Variants in LRGUK observed in about 807,000 individuals in gnomAD.
LRGUK encodes the protein leucine rich repeats and guanylate kinase domain containing.
A neutral mutation model predicts 76.0 loss-of-function variants in LRGUK; 65 were observed. That is an observed-to-expected ratio of 0.85 (90% CI 0.70 to 1.05). The LOEUF (loss-of-function observed/expected upper bound fraction) is 1.05, where lower values mean the gene tolerates loss of function less well. LRGUK is among the 50% of genes least tolerant of loss of function. The pLI is 0.00. For synonymous variants in LRGUK, 268 were observed against 265.6 expected, an observed-to-expected ratio of 1.01 and a Z score of -0.09; for missense variants, 758 against 732.8, an observed-to-expected ratio of 1.03 and a Z score of -0.40.
chr7:134,269,220 C>T (rs183399411), downstream of LRGUK, among the ~76,000 whole-genome samples: 29 of 152,082 alleles, frequency 1.9e-4, no homozygotes, highest in East Asian at 4.1e-3. Flanking sequence ...TGTAGATCCA[C>T]GGATTATTTA....
chr7:134,127,568 C>G (rs1280588588), exon 1 of LRGUK: 1 of 1,614,208 alleles, frequency 6.2e-7, no homozygotes, highest in African/African-American at 1.3e-5. Context: ...AGCTCATGCA[C>G]CGCTATCAGG....
chr7:134,168,626 G>A lies in LRGUK; in HGVS notation c.939+5086G>A, dbSNP rs556485870. ...TCAATCAGGTAGCAGTAGTAAGGAA[G>A]GGAAGGAAGGCTGGGGTCTAGAGTT... On this transcript the variant is annotated intron_variant, in intron 7 of 15. Transcript: ENST00000645682. 1.8e-4 allele frequency among the ~76,000 whole-genome samples: 27 copies of A among 152,276 alleles called. 1 individual carries two copies. The highest frequency in any genetic ancestry group is 6.3e-4 in the African/African-American group (26 of 41,550).
chr7:134,234,457 C>T (rs1266388824), intron 16 of LRGUK, among the ~76,000 whole-genome samples: 1 of 152,118 alleles, frequency 6.6e-6, no homozygotes, highest in African/African-American at 2.4e-5. Flanking sequence ...AACCCTTCCT[C>T]CAAAGTCGTC....
intron 2 of LRGUK, among the ~76,000 whole-genome samples, chr7:134,138,440 A>AT (rs907695946): frequency 4.0e-5 from 6 of 151,138 alleles, no homozygotes; most frequent in South Asian, 4.2e-4. Context: ...GTTACATGTT[A>AT]TTTTTTTTAC....
chr7:134,162,007 A>G (rs1431787821), intron 6 of LRGUK, among the ~76,000 whole-genome samples: 2 of 152,080 alleles, frequency 1.3e-5, no homozygotes, highest in Non-Finnish European at 2.9e-5. Flanking sequence ...ATTTGTTGTT[A>G]TGGGTATATG....
chr7:134,190,854 A>C (rs1800178244), intron 11 of LRGUK, among the ~76,000 whole-genome samples: 1 of 41,106 alleles, frequency 2.4e-5, no homozygotes, highest in Non-Finnish European at 6.2e-5. Flanking sequence ...AAAGATAGGA[A>C]AAAAACAGAT....
chr7:134,252,109 G>A (rs1802461363), intron 18 of LRGUK, among the ~76,000 whole-genome samples: 1 of 151,934 alleles, frequency 6.6e-6, no homozygotes, highest in Admixed American at 6.6e-5. Flanking sequence ...CAAGGTAGAA[G>A]GATTGGATCA....
intron 17 of LRGUK, 103 bp from the exon 18 acceptor site, chr7:134,248,848 T>G (rs1391354007): frequency 1.1e-6 from 1 of 876,204 alleles, no homozygotes; most frequent in African/African-American, 1.8e-5. Flanking sequence ...TAGATCTCAT[T>G]GGCATTTGCG....
intron 1 of LRGUK, among the ~76,000 whole-genome samples, chr7:134,135,151 T>TA (rs1246769814): frequency 6.6e-6 from 1 of 152,208 alleles, no homozygotes; most frequent in African/African-American, 2.4e-5. Context: ...TTTGAGATGT[T>TA]ATGTACCATC....
At chr7:134,202,986 C>A (rs943172820) in intron 15 of LRGUK, among the ~76,000 whole-genome samples, 5 of 152,092 alleles carry the variant, frequency 3.3e-5, no homozygotes, top group Admixed American at 3.3e-4. Context: ...GGGCAGATCA[C>A]GAGGTCAGGA....
At position 134,223,363 on chromosome 7, in the gene LRGUK, G is replaced by T. The variant is rs189288268; in HGVS notation, c.1983+1445G>T. 1.7e-3 allele frequency among the ~76,000 whole-genome samples: 261 copies of T among 152,336 alleles called. 1 individual carries two copies. The highest frequency in any genetic ancestry group is 5.7e-3 in the African/African-American group (236 of 41,568). ...CTGTGGTGGTCATATTAGCCTGCCT[G>T]TGTGGTCACCTGTGGCAGGGCAGAA... is the stretch of plus-strand genomic sequence containing the variant. On this transcript the variant is annotated intron_variant, in intron 16 of 19. Transcript: ENST00000285928.
At chr7:134,165,323 A>G (rs1029844402) in intron 7 of LRGUK, among the ~76,000 whole-genome samples, 2 of 152,184 alleles carry the variant, frequency 1.3e-5, no homozygotes, top group African/African-American at 4.8e-5. Context: ...GCCCAAAGTC[A>G]TATATCCAGC....
chr7:134,166,792 C>T (rs991181418), intron 7 of LRGUK, among the ~76,000 whole-genome samples: 2 of 152,146 alleles, frequency 1.3e-5, no homozygotes, highest in African/African-American at 4.8e-5. Context: ...CCGAAGACTC[C>T]TTGCTTCTTG....
chr7:134,275,818 C>T, the LRGUK span, among the ~76,000 whole-genome samples: 2 of 152,168 alleles, frequency 1.3e-5, no homozygotes, highest in East Asian at 3.8e-4. Context: ...TATATCATCT[C>T]ATTCCAAAAA....
At chr7:134,184,378 T>C (rs1799894046) in intron 11 of LRGUK, among the ~76,000 whole-genome samples, 1 of 151,818 alleles carries the variant, frequency 6.6e-6, no homozygotes, top group African/African-American at 2.4e-5. Flanking sequence ...CATACCATTC[T>C]CCTGCCTCAG....
chr7:134,221,710 A>T, intron 15 of LRGUK, 69 bp from the exon 16 acceptor site: 2 of 1,261,596 alleles, frequency 1.6e-6, no homozygotes, highest in Non-Finnish European at 1.0e-6. Context: ...AAAAATATAA[A>T]ACATTTCTAT....
chr7:134,203,580 T>C (rs1323800679), intron 15 of LRGUK, among the ~76,000 whole-genome samples: 2 of 152,198 alleles, frequency 1.3e-5, no homozygotes, highest in African/African-American at 2.4e-5. Flanking sequence ...AGAATTTCCT[T>C]CTCCATATGT....
At chr7:134,247,335 T>A (rs1802327950) in intron 16 of LRGUK, among the ~76,000 whole-genome samples, 1 of 152,312 alleles carries the variant, frequency 6.6e-6, no homozygotes, top group Admixed American at 6.5e-5. Flanking sequence ...AAATAGAGTT[T>A]ATATATTATA....
intron 16 of LRGUK, among the ~76,000 whole-genome samples, chr7:134,232,680 A>G (rs1168210138): frequency 1.3e-5 from 2 of 152,298 alleles, no homozygotes; most frequent in Admixed American, 6.5e-5. Context: ...TTACTCTTCA[A>G]TCTGAACAAA....
Sources: allele counts gnomAD v4.1 joint callset (sites outside exome capture counted in the v4.1 genomes callset), GRCh38; gene constraint gnomAD v4.1.1; transcripts MANE v1.5; gene names NCBI Gene and HGNC (gene_info 2026-07-23, HGNC 2026-07-21).